The following LRRC4C variants were observed in gnomAD, a reference collection of about 807,000 sequenced individuals.
The protein encoded by LRRC4C is leucine rich repeat containing 4C, also known as leucine-rich repeat-containing protein 4C.
LRRC4C carries 5 observed loss-of-function variants against 33.6 expected under a neutral mutation model. The observed-to-expected ratio is 0.15, with a 90% CI of 0.08 to 0.31. LRRC4C has a LOEUF of 0.31. Ranked by LOEUF, LRRC4C falls within the 10% of genes least tolerant of loss-of-function variation. The pLI, the probability that LRRC4C is intolerant of heterozygous loss-of-function variation, is 1.00. For missense variants in LRRC4C, 560 were observed against 796.7 expected, an observed-to-expected ratio of 0.70 and a Z score of 3.58; for synonymous variants, 329 against 302.0, an observed-to-expected ratio of 1.09 and a Z score of -0.93.
chr11:40,341,788 C>A (rs1946879782), intron 3 of LRRC4C, among the ~76,000 whole-genome samples: 1 of 152,156 alleles, frequency 6.6e-6, no homozygotes. Context: ...CTTTTCATAT[C>A]TCAACTTGCC....
intron 3 of LRRC4C, among the ~76,000 whole-genome samples, chr11:40,338,019 A>G (rs1946706103): frequency 6.6e-6 from 1 of 152,226 alleles, no homozygotes; most frequent in Admixed American, 6.5e-5. Flanking sequence ...GAGATAATTC[A>G]TCAAACTGTG....
At chr11:40,332,254 A>G (rs1946395986) in intron 3 of LRRC4C, among the ~76,000 whole-genome samples, 1 of 152,154 alleles carries the variant, frequency 6.6e-6, no homozygotes, top group African/African-American at 2.4e-5. Flanking sequence ...CTATGGCTGA[A>G]TCTTTCCTTG....
chr11:40,295,718 A>G (rs776826706), intron 4 of LRRC4C, among the ~76,000 whole-genome samples: 4 of 152,182 alleles, frequency 2.6e-5, no homozygotes, highest in African/African-American at 9.7e-5. Flanking sequence ...ATTGTGATTT[A>G]TTGTAATTTC....
intron 3 of LRRC4C, among the ~76,000 whole-genome samples, chr11:40,436,194 A>G (rs1951131339): frequency 1.3e-5 from 2 of 152,358 alleles, no homozygotes; most frequent in African/African-American, 2.4e-5. Context: ...CATTACTAAC[A>G]TGAACAAAAA....
At chr11:40,560,428 G>A (rs932777723) in intron 3 of LRRC4C, among the ~76,000 whole-genome samples, 6 of 132,520 alleles carry the variant, frequency 4.5e-5, no homozygotes, top group African/African-American at 1.4e-4. Context: ...AACCAATGAT[G>A]TGTGTGCCTG....
chr11:41,388,008 T>C lies in LRRC4C; in HGVS notation c.-496+71423A>G, dbSNP rs150447721. Among the ~76,000 whole-genome samples, 483 of 151,958 alleles carry C rather than the reference T, an allele frequency of 3.2e-3. 1 individual carries two copies. The highest frequency in any genetic ancestry group is 9.8e-3 in the African/African-American group (408 of 41,514). On this transcript the variant is annotated intron_variant, in intron 1 of 6. Transcript: ENST00000528697. ...CCCAACAGAGAAATACATTAAATTT[T>C]CTCTGAAAGGCATCAAAAGATATCA... is the stretch of plus-strand genomic sequence containing the variant.
At chr11:41,147,685 T>C (rs1943789069) in intron 1 of LRRC4C, among the ~76,000 whole-genome samples, 1 of 152,208 alleles carries the variant, frequency 6.6e-6, no homozygotes, top group South Asian at 2.1e-4. Flanking sequence ...AACCTAAACA[T>C]CATGGCTTTG....
chr11:40,814,066 C>G (rs1292491369), intron 2 of LRRC4C, among the ~76,000 whole-genome samples: 1 of 152,100 alleles, frequency 6.6e-6, no homozygotes, highest in Non-Finnish European at 1.5e-5. Flanking sequence ...GCCCTCTTCT[C>G]ACGGTTCCAC....
intron 3 of LRRC4C, among the ~76,000 whole-genome samples, chr11:40,326,552 GAA>G (rs67048103): frequency 0.83 from 118,184 of 141,626 alleles, 49,957 homozygotes; most frequent in South Asian, 0.94. Flanking sequence ...CTTCTCAAAA[GAA>G]AAAAAAAAAA....
At chr11:40,286,398 C>T (rs1404082068) in intron 4 of LRRC4C, among the ~76,000 whole-genome samples, 1 of 151,944 alleles carries the variant, frequency 6.6e-6, no homozygotes, top group Non-Finnish European at 1.5e-5. Flanking sequence ...GTGCAGAAAG[C>T]TCTCATAAGC....
intron 2 of LRRC4C, among the ~76,000 whole-genome samples, chr11:40,806,506 G>A (rs547919924): frequency 4.5e-4 from 68 of 152,322 alleles, no homozygotes; most frequent in African/African-American, 1.5e-3. Context: ...CTGAAGCCAT[G>A]CAGCACCACA....
At chr11:40,935,964 C>T (rs1957863474) in intron 1 of LRRC4C, among the ~76,000 whole-genome samples, 1 of 136,760 alleles carries the variant, frequency 7.3e-6, no homozygotes, top group Non-Finnish European at 1.6e-5. Context: ...ATGGGACTCT[C>T]AGTAAGAATG....
In LRRC4C at chr11:41,414,152, A is replaced by G. The variant is rs530730720; in HGVS notation, c.-496+45279T>C. The stretch of plus-strand genomic sequence containing the variant: ...GGATGGTATAAATAATGCCTAGCAC[A>G]TTGCTTGGAACATAGGACACACTCA... On this transcript the variant is annotated intron_variant, in intron 1 of 6. Transcript: ENST00000528697. Among the ~76,000 whole-genome samples, 134 of 152,260 alleles carry G rather than the reference A, an allele frequency of 8.8e-4. 5 individuals carry two copies. In the South Asian group the frequency reaches 0.026, roughly 30 times the overall value.
At position 40,329,390 on chromosome 11, in the gene LRRC4C, A is replaced by C. The variant is rs776849272; in HGVS notation, c.-269-9669T>G. On this transcript the variant is annotated intron_variant, in intron 3 of 6. Coordinates refer to ENST00000528697, the MANE Select transcript of LRRC4C (RefSeq NM_001258419.2). ...AGGGGAGCAACGGAAACAGTGCTGT[A>C]AACTGGAAACATGCCACGTGAGTCA... is the stretch of plus-strand genomic sequence containing the variant. 1.7e-4 allele frequency among the ~76,000 whole-genome samples: 26 copies of C among 152,198 alleles called. 1 individual carries two copies.
intron 1 of LRRC4C, among the ~76,000 whole-genome samples, chr11:41,130,131 C>G (rs534569253): frequency 1.2e-4 from 19 of 152,054 alleles, no homozygotes; most frequent in African/African-American, 4.1e-4. Flanking sequence ...CTGCTCATTC[C>G]TCATGTATTT....
chr11:41,294,287 G>A (rs1950076008), intron 1 of LRRC4C, among the ~76,000 whole-genome samples: 1 of 152,150 alleles, frequency 6.6e-6, no homozygotes, highest in Non-Finnish European at 1.5e-5. Flanking sequence ...AAAGAACTCT[G>A]AAAAATCCAG....
At chr11:40,584,875 T>A (rs1377018180) in intron 3 of LRRC4C, among the ~76,000 whole-genome samples, 1 of 148,998 alleles carries the variant, frequency 6.7e-6, no homozygotes, top group Non-Finnish European at 1.5e-5. Flanking sequence ...GAGGTTGCAG[T>A]GAGCCGAGAT....
intron 5 of LRRC4C, among the ~76,000 whole-genome samples, chr11:40,202,669 T>G (rs145006995): frequency 2.5e-3 from 374 of 152,292 alleles, no homozygotes; most frequent in African/African-American, 8.7e-3. Context: ...TCCTGTGTGA[T>G]GGTCAGTTAT....
At chr11:41,140,412 G>C (rs951714772) in intron 1 of LRRC4C, among the ~76,000 whole-genome samples, 8 of 115,666 alleles carry the variant, frequency 6.9e-5, no homozygotes, top group African/African-American at 2.4e-4. Context: ...TAGCTGAACT[G>C]TTTTATTCCT....
Sources: allele counts gnomAD v4.1 joint callset (sites outside exome capture counted in the v4.1 genomes callset), GRCh38; gene constraint gnomAD v4.1.1; transcripts MANE v1.5; gene names NCBI Gene and HGNC (gene_info 2026-07-23, HGNC 2026-07-21).